The following GDAP1 variants were observed in gnomAD, a reference collection of about 807,000 sequenced individuals.
GDAP1 encodes the protein ganglioside-induced differentiation-associated protein 1.
GDAP1 carries 34 observed loss-of-function variants against 40.1 expected under a neutral mutation model. The observed-to-expected ratio is 0.85, with a 90% confidence interval of 0.64 to 1.13. The LOEUF (loss-of-function observed/expected upper bound fraction) is 1.13, where lower values mean the gene tolerates loss of function less well. Among genes scored for constraint, GDAP1 ranks in the 50% most tolerant of loss-of-function variants. The probability of loss-of-function intolerance (pLI) is 0.00; values close to 1 mark genes in which losing one functional copy is unlikely to be tolerated. For synonymous variants in GDAP1, 170 were observed against 157.4 expected (o/e 1.08, Z -0.60); for missense variants, 374 against 433.7 (o/e 0.86, Z 1.22).
chr8:74,438,185 G>T (rs1320819386), intron 2 of GDAP1, among the ~76,000 whole-genome samples: 1 of 152,092 alleles, frequency 6.6e-6, no homozygotes, highest in Non-Finnish European at 1.5e-5. Context: ...CAGGAGAATT[G>T]CTTGAACCTG....
At chr8:74,392,653 T>G (rs1810128416) in intron 2 of GDAP1, among the ~76,000 whole-genome samples, 1 of 152,242 alleles carries the variant, frequency 6.6e-6, no homozygotes, top group Non-Finnish European at 1.5e-5. Context: ...TGTGGAGCCA[T>G]GAACTACATT....
chr8:74,479,539 G>C (rs1806679730), intron 2 of GDAP1, among the ~76,000 whole-genome samples: 1 of 152,150 alleles, frequency 6.6e-6, no homozygotes, highest in South Asian at 2.1e-4. Context: ...AATGAAATCT[G>C]TATTAAATGT....
chr8:74,481,887 A>G (rs1806715760), intron 2 of GDAP1, among the ~76,000 whole-genome samples: 1 of 152,198 alleles, frequency 6.6e-6, no homozygotes, highest in Non-Finnish European at 1.5e-5. Context: ...TACATAACTT[A>G]CCATCATTTA....
intron 2 of GDAP1, among the ~76,000 whole-genome samples, chr8:74,449,485 G>A (rs534810105): frequency 1.3e-5 from 2 of 151,750 alleles, no homozygotes; most frequent in East Asian, 3.9e-4. Context: ...ATTTATTTAG[G>A]TCTTAGATTT....
At chr8:74,441,773 C>G (rs938623976) in intron 2 of GDAP1, among the ~76,000 whole-genome samples, 15 of 152,096 alleles carry the variant, frequency 9.9e-5, no homozygotes, top group Non-Finnish European at 2.9e-5. Flanking sequence ...GTATCTCTAT[C>G]GGTAGGAAAT....
At position 74,360,272 on chromosome 8, in the gene GDAP1, A is replaced by G. The variant is rs1586803296; in HGVS notation, c.446A>G (p.Asp149Gly). ...GCILHPELTV[D>G]SMIPAYATTR... Reference sequence around the variant, plus strand: ...ATTTTACATCCTGAGTTAACTGTGGACTCCATGATCCCGGCTTATGCAACT... The same window carrying G: ...ATTTTACATCCTGAGTTAACTGTGGGCTCCATGATCCCGGCTTATGCAACT... The change falls in exon 3 of 6, where the codon GAC becomes GGC. Residue 149 changes from aspartate (D) to glycine (G), a missense_variant. Coordinates refer to ENST00000220822, the MANE Select transcript of GDAP1 (RefSeq NM_018972.4). The G allele has an allele frequency of 6.2e-7, 1 of 1,613,916 alleles. No individual in the cohort carries two copies. Among genetic ancestry groups the G allele is most frequent in the Non-Finnish European group, 8.5e-7 (1 of 1,179,912 alleles).
chr8:74,484,382 T>G (rs1806749497), intron 2 of GDAP1, among the ~76,000 whole-genome samples: 1 of 152,174 alleles, frequency 6.6e-6, no homozygotes, highest in Admixed American at 6.6e-5. Flanking sequence ...GACCAGATAT[T>G]ATAGCAGACA....
At chr8:74,478,456 C>T (rs536194910) in intron 2 of GDAP1, among the ~76,000 whole-genome samples, 1 of 151,922 alleles carries the variant, frequency 6.6e-6, no homozygotes, top group African/African-American at 2.4e-5. Flanking sequence ...GTGTGGTCAG[C>T]CAGCACAGGA....
At chr8:74,376,289 G>A (rs925175384) in intron 2 of GDAP1, among the ~76,000 whole-genome samples, 4 of 151,158 alleles carry the variant, frequency 2.6e-5, no homozygotes, top group Non-Finnish European at 5.9e-5. Flanking sequence ...GTGAAAATGC[G>A]AAGGACATAG....
chr8:74,396,354 TTTATTATTA>T (rs993148799), intron 2 of GDAP1, among the ~76,000 whole-genome samples: 1 of 151,048 alleles, frequency 6.6e-6, no homozygotes, highest in Admixed American at 6.6e-5. Context: ...TTCCTTTTAT[TTTATTATTA>T]TTATTATTAT....
chr8:74,373,161 C>A (rs2131532259), intron 2 of GDAP1, among the ~76,000 whole-genome samples: 1 of 152,164 alleles, frequency 6.6e-6, no homozygotes, highest in Admixed American at 6.5e-5. Flanking sequence ...TTACTGTAGC[C>A]TTGTAGTATA....
intron 2 of GDAP1, among the ~76,000 whole-genome samples, chr8:74,423,216 G>T (rs1408824185): frequency 6.9e-6 from 1 of 145,658 alleles, no homozygotes; most frequent in Admixed American, 6.9e-5. Context: ...TAGTATATAT[G>T]TATACTATAT....
At chr8:74,362,027 G>A in intron 4 of GDAP1, 49 bp downstream of exon 4, 1 of 963,224 alleles carries the variant, frequency 1.0e-6, no homozygotes, top group Non-Finnish European at 1.7e-6. Context: ...CGGAGTAAAT[G>A]TTCTACTTTT....
chr8:74,459,721 C>A (rs1369469231), intron 2 of GDAP1, among the ~76,000 whole-genome samples: 2 of 152,148 alleles, frequency 1.3e-5, no homozygotes, highest in African/African-American at 4.8e-5. Flanking sequence ...TTTGAAGTTT[C>A]TGCCAATTTT....
intron 2 of GDAP1, among the ~76,000 whole-genome samples, chr8:74,391,163 C>A (rs1158438556): frequency 2.0e-5 from 3 of 152,002 alleles, no homozygotes; most frequent in African/African-American, 7.2e-5. Context: ...TTCCTGACTT[C>A]AGCCCGCTTT....
rs146768052 is a variant in GDAP1, at chr8:74,362,976, A to G, written c.617A>G (p.Lys206Arg). The change falls in exon 5 of 6, where the codon AAG (lysine) becomes AGG (arginine). Residue 206 changes from lysine (K) to arginine (R), a missense_variant. Coordinates refer to ENST00000220822, the MANE Select transcript of GDAP1 (RefSeq NM_018972.4). ...LLDHDNVKYL[K>R]KILDELEKVL... is the part of the protein sequence containing the mutation. ...GATCATGACAATGTCAAGTATTTGA[A>G]GAAAATTCTTGATGAGTTGGAGAAA... 4 of 1,586,014 alleles carry G rather than the reference A, an allele frequency of 2.5e-6. No individual in the cohort carries two copies. The African/African-American group carries it at 5.4e-5, about 21-fold the overall frequency.
At chr8:74,373,911 A>G (rs1809799991) in intron 2 of GDAP1, among the ~76,000 whole-genome samples, 1 of 152,100 alleles carries the variant, frequency 6.6e-6, no homozygotes, top group Non-Finnish European at 1.5e-5. Flanking sequence ...AATGGCTCTT[A>G]TTATTTTGAG....
chr8:74,464,498 G>A (rs572158799), intron 2 of GDAP1, among the ~76,000 whole-genome samples: 45 of 152,308 alleles, frequency 3.0e-4, no homozygotes, highest in African/African-American at 1.1e-3. Flanking sequence ...AGGAAGGCTG[G>A]CTGGCAAAAG....
downstream of GDAP1, among the ~76,000 whole-genome samples, chr8:74,369,950 A>T (rs965888186): frequency 3.3e-5 from 5 of 152,182 alleles, no homozygotes; most frequent in African/African-American, 1.2e-4. Flanking sequence ...AATCCTGCCA[A>T]TTCAAAATTT....
Sources: gnomAD v4.1 joint callset for allele counts (sites outside exome capture counted in the v4.1 genomes callset) on GRCh38, gnomAD v4.1.1 for gene constraint, MANE v1.5 for transcripts, NCBI Gene and HGNC (gene_info 2026-07-23, HGNC 2026-07-21) for gene names.